Variants in CCDC141 observed in about 807,000 individuals in gnomAD.
The protein encoded by CCDC141 is coiled-coil domain containing 141.
A neutral mutation model predicts 181.0 loss-of-function variants in CCDC141; 168 were observed. The observed-to-expected ratio is 0.93, with a 90% CI of 0.82 to 1.05. The LOEUF is 1.05. CCDC141 is among the 50% of genes least tolerant of loss of function. The pLI, the probability that CCDC141 is intolerant of heterozygous loss-of-function variation, is 0.00. For missense variants in CCDC141, 1,902 were observed against 1,788.5 expected (o/e 1.06, Z -1.14); for synonymous variants, 666 against 642.3 (o/e 1.04, Z -0.56).
At chr2:178,853,237 C>T (rs1363252507) in intron 20 of CCDC141, among the ~76,000 whole-genome samples, 2 of 152,184 alleles carry the variant, frequency 1.3e-5, no homozygotes, top group Non-Finnish European at 2.9e-5. Flanking sequence ...TAAAAATCTG[C>T]AGGCTTCATC....
At chr2:178,896,724 C>A (rs1687425641) in intron 8 of CCDC141, among the ~76,000 whole-genome samples, 1 of 152,170 alleles carries the variant, frequency 6.6e-6, no homozygotes, top group South Asian at 2.1e-4. Flanking sequence ...AGTACTCACA[C>A]CAACCCTTAC....
chr2:178,981,613 T>C (rs1435928733), intron 2 of CCDC141, among the ~76,000 whole-genome samples: 2 of 144,540 alleles, frequency 1.4e-5, no homozygotes, highest in East Asian at 4.1e-4. Flanking sequence ...AAGAAAAATT[T>C]GTAGCATTGA....
chr2:178,914,068 G>C (rs1688337166), intron 7 of CCDC141, among the ~76,000 whole-genome samples: 1 of 152,102 alleles, frequency 6.6e-6, no homozygotes, highest in East Asian at 1.9e-4. Flanking sequence ...CCATAGCTTA[G>C]CTTGTTTTCT....
At chr2:178,990,838 G>A (rs533309765) in intron 2 of CCDC141, among the ~76,000 whole-genome samples, 140 of 152,196 alleles carry the variant, frequency 9.2e-4, no homozygotes, top group African/African-American at 3.3e-3. Context: ...TGGGCACAGG[G>A]TTTTCTTTTG....
chr2:178,823,632 G>T, the CCDC141 span, among the ~76,000 whole-genome samples: 193 of 152,132 alleles, frequency 1.3e-3, no homozygotes, highest in Admixed American at 4.3e-3. Context: ...ATGTTATGAC[G>T]TTGTTATTAC....
intron 2 of CCDC141, among the ~76,000 whole-genome samples, chr2:178,981,898 G>C (rs1252054332): frequency 6.6e-6 from 1 of 150,854 alleles, no homozygotes; most frequent in Non-Finnish European, 1.5e-5. Context: ...CCCTAGTCAG[G>C]CTAATCAAGA....
intron 2 of CCDC141, among the ~76,000 whole-genome samples, chr2:178,990,593 G>A (rs1161208026): frequency 1.4e-5 from 2 of 143,114 alleles, no homozygotes; most frequent in Non-Finnish European, 3.1e-5. Context: ...GTGGAGGGGA[G>A]GGGAGGGGAG....
intron 6 of CCDC141, among the ~76,000 whole-genome samples, chr2:178,932,487 A>G (rs967515168): frequency 2.6e-5 from 4 of 152,202 alleles, no homozygotes; most frequent in African/African-American, 9.7e-5. Flanking sequence ...ACGGTTTGGT[A>G]ACATGTAATC....
chr2:178,871,973 C>T (rs186644611), intron 13 of CCDC141, among the ~76,000 whole-genome samples, 160 bp downstream of exon 13: 12 of 152,302 alleles, frequency 7.9e-5, no homozygotes, highest in Non-Finnish European at 1.5e-4. Flanking sequence ...TTTCTGCCTC[C>T]ATGAGTTTGA....
At chr2:178,921,530 C>T (rs768616107) in intron 6 of CCDC141, among the ~76,000 whole-genome samples, 1 of 151,906 alleles carries the variant, frequency 6.6e-6, no homozygotes, top group Non-Finnish European at 1.5e-5. Context: ...CAAAGTAAAA[C>T]AGGTTTTTTT....
At chr2:178,912,539 A>C (rs1486484421) in intron 7 of CCDC141, among the ~76,000 whole-genome samples, 1 of 152,218 alleles carries the variant, frequency 6.6e-6, no homozygotes, top group East Asian at 1.9e-4. Flanking sequence ...TGGTTTAAAC[A>C]GCCTGACCTC....
At chr2:178,984,916 A>G (rs1246014174) in intron 2 of CCDC141, among the ~76,000 whole-genome samples, 105 of 140,636 alleles carry the variant, frequency 7.5e-4, no homozygotes, top group African/African-American at 1.4e-3. Context: ...ACGAGACAGA[A>G]AGTCAACAAG....
At chr2:178,983,418 C>T (rs999862912) in intron 2 of CCDC141, among the ~76,000 whole-genome samples, 3 of 152,218 alleles carry the variant, frequency 2.0e-5, no homozygotes. Flanking sequence ...CTCTCCTCCT[C>T]CAAAGGAACC....
intron 2 of CCDC141, among the ~76,000 whole-genome samples, chr2:179,030,289 C>A (rs1352101550): frequency 1.3e-5 from 2 of 152,036 alleles, no homozygotes. Context: ...GCATTCGTCA[C>A]TCAAGTAACA....
rs370711327 is a variant in CCDC141 at position 178,869,196 on chromosome 2, T to C, written c.2315A>G (p.His772Arg). Reference protein sequence around the residue: ...SQQLKDLIHFHQKQKERIQDY... With the variant: ...SQQLKDLIHFRQKQKERIQDY... ...CTGGATTCTCTCTTTCTGTTTTTGA[T>C]GGAAGTGAATAAGGTCCTTCAGTTG... Residue 772 changes from histidine to arginine, a missense_variant, in exon 15 of 24, where the codon CAT becomes CGT. By Grantham distance (29) the His-to-Arg change is conservative. Coordinates refer to ENST00000443758, the MANE Select transcript of CCDC141 (RefSeq NM_173648.4). 1.2e-6 allele frequency: 2 copies of C among 1,613,656 alleles called. No homozygotes were observed. The highest frequency in any genetic ancestry group is 2.7e-5 in the African/African-American group (2 of 74,908).
At chr2:178,990,909 A>G (rs1044709596) in intron 2 of CCDC141, among the ~76,000 whole-genome samples, 1 of 152,144 alleles carries the variant, frequency 6.6e-6, no homozygotes, top group Non-Finnish European at 1.5e-5. Context: ...AAAGGTGATC[A>G]TATGAATTGG....
chr2:178,928,950 A>G (rs1689003594), intron 6 of CCDC141, among the ~76,000 whole-genome samples: 1 of 152,218 alleles, frequency 6.6e-6, no homozygotes, highest in South Asian at 2.1e-4. Context: ...TTAGTAATAA[A>G]ATGATTTCTA....
chr2:178,933,682 T>C (rs1689180422), intron 6 of CCDC141, among the ~76,000 whole-genome samples: 1 of 152,216 alleles, frequency 6.6e-6, no homozygotes, highest in South Asian at 2.1e-4. Context: ...GTTTCCAAGG[T>C]AATCTCCTAA....
intron 6 of CCDC141, among the ~76,000 whole-genome samples, chr2:178,935,682 T>A (rs191889658): frequency 6.6e-6 from 1 of 152,080 alleles, no homozygotes; most frequent in African/African-American, 2.4e-5. Context: ...TGCTTTTAGC[T>A]TTAAGGAGTC....
Sources: allele counts gnomAD v4.1 joint callset (sites outside exome capture counted in the v4.1 genomes callset), GRCh38; gene constraint gnomAD v4.1.1; transcripts MANE v1.5; gene names NCBI Gene and HGNC (gene_info 2026-07-23, HGNC 2026-07-21).